Variants in TMEM164 observed in about 807,000 individuals in gnomAD.
The protein encoded by TMEM164 is RP13-360B22.2.
Under a neutral mutation model 18.8 loss-of-function variants are expected in TMEM164, and 4 were observed. The observed-to-expected ratio is 0.21, with a 90% CI of 0.10 to 0.49. TMEM164 has a LOEUF of 0.49. Among genes scored for constraint, TMEM164 ranks in the 20% least tolerant of loss-of-function variants. TMEM164 has a pLI of 0.98. For missense variants in TMEM164, 108 were observed against 239.9 expected, an observed-to-expected ratio of 0.45 and a Z score of 3.63; for synonymous variants, 86 against 101.7, an observed-to-expected ratio of 0.85 and a Z score of 0.93.
intron 5 of TMEM164, among the ~76,000 whole-genome samples, chrX:110,152,698 C>T (rs1273063255): frequency 9.0e-6 from 1 of 110,749 alleles, no homozygotes; most frequent in Non-Finnish European, 1.9e-5. Context: ...CTCTTACCTC[C>T]TAAATATCTC....
intron 3 of TMEM164, among the ~76,000 whole-genome samples, chrX:110,097,152 A>G (rs1471562590): frequency 9.0e-6 from 1 of 111,524 alleles, no homozygotes; most frequent in Non-Finnish European, 1.9e-5. Flanking sequence ...TTGTATTTTT[A>G]GTAGAGATGG....
At chrX:110,053,267 A>C (rs1235768230) in intron 2 of TMEM164, among the ~76,000 whole-genome samples, 3 of 111,527 alleles carry the variant, frequency 2.7e-5, no homozygotes, top group Non-Finnish European at 5.6e-5. Context: ...ACCAGCTTTA[A>C]TTTTGGTTGA....
intron 2 of TMEM164, among the ~76,000 whole-genome samples, chrX:110,035,223 TAATAA>T (rs1017556025): frequency 2.0e-4 from 22 of 109,163 alleles, no homozygotes; most frequent in African/African-American, 7.0e-4. Flanking sequence ...AGTATAATAA[TAATAA>T]AATAAAATTA....
At chrX:110,121,969 A>G (rs2066455767) in intron 4 of TMEM164, among the ~76,000 whole-genome samples, 1 of 112,025 alleles carries the variant, frequency 8.9e-6, no homozygotes, top group Non-Finnish European at 1.9e-5. Flanking sequence ...TGCACTTTGT[A>G]CTTACCAGTT....
intron 3 of TMEM164, among the ~76,000 whole-genome samples, chrX:110,078,090 G>A (rs1363380787): frequency 8.9e-6 from 1 of 112,284 alleles, no homozygotes; most frequent in Non-Finnish European, 1.9e-5. Context: ...TCTCAGGAAT[G>A]CCAGTGAGTC....
At chrX:110,079,630 C>T (rs1409704114) in intron 3 of TMEM164, among the ~76,000 whole-genome samples, 2 of 111,858 alleles carry the variant, frequency 1.8e-5, no homozygotes, top group African/African-American at 6.5e-5. Context: ...GTTTGCTCAT[C>T]TTTAATTTTT....
intron 2 of TMEM164, among the ~76,000 whole-genome samples, chrX:110,041,202 T>A (rs929201581): frequency 2.7e-5 from 3 of 112,087 alleles, no homozygotes; most frequent in Non-Finnish European, 5.6e-5. Flanking sequence ...TCTATTCTGG[T>A]AGGTATCATT....
chrX:110,047,885 C>T, intron 2 of TMEM164, among the ~76,000 whole-genome samples: 1 of 111,899 alleles, frequency 8.9e-6, no homozygotes, highest in African/African-American at 3.2e-5. Context: ...TACCAGAATG[C>T]CTAAAAATAT....
At chrX:110,130,973 T>C (rs1226219784) in intron 4 of TMEM164, among the ~76,000 whole-genome samples, 3 of 112,177 alleles carry the variant, frequency 2.7e-5, no homozygotes, top group Non-Finnish European at 5.6e-5. Context: ...AGTGTACTCA[T>C]GTCAGGAGGT....
chrX:110,105,622 C>T (rs182608191), intron 3 of TMEM164, among the ~76,000 whole-genome samples: 5 of 107,437 alleles, frequency 4.7e-5, no homozygotes, highest in African/African-American at 6.8e-5. Context: ...CCCATTGGCA[C>T]GCAAGAACTT....
chrX:110,033,914 C>CTT (rs1377003438), intron 2 of TMEM164, among the ~76,000 whole-genome samples: 6 of 111,747 alleles, frequency 5.4e-5, no homozygotes, highest in Admixed American at 9.5e-5. Context: ...CTACCCTCAG[C>CTT]TTTTAAACTG....
intron 4 of TMEM164, among the ~76,000 whole-genome samples, chrX:110,129,415 G>A: frequency 8.9e-6 from 1 of 112,369 alleles, no homozygotes; most frequent in Middle Eastern, 4.6e-3. Context: ...TATGCCCTGT[G>A]AAGCTATGAG....
intron 3 of TMEM164, among the ~76,000 whole-genome samples, chrX:110,101,206 T>C (rs1369640727): frequency 1.8e-5 from 2 of 112,018 alleles, no homozygotes; most frequent in Non-Finnish European, 3.8e-5. Context: ...TTCTCTTTTA[T>C]TTTCTGAACA....
At chrX:110,014,744 C>CTTTTTTTTTTTTTTTTTTTTTTTA (rs1933229388) in intron 2 of TMEM164, among the ~76,000 whole-genome samples, 2 of 54,239 alleles carry the variant, frequency 3.7e-5, no homozygotes, top group East Asian at 6.8e-4. Context: ...TTGGTTGTTT[C>CTTTTTTTTTTTTTTTTTTTTTTTA]TTTTTTTTTT....
chrX:110,015,390 A>G (rs1326653828), intron 2 of TMEM164, among the ~76,000 whole-genome samples: 1 of 112,334 alleles, frequency 8.9e-6, no homozygotes, highest in South Asian at 3.7e-4. Context: ...CTAAACAAAC[A>G]GCAACCCAAA....
intron 3 of TMEM164, among the ~76,000 whole-genome samples, chrX:110,089,470 C>T (rs1342623219): frequency 1.8e-5 from 2 of 112,057 alleles, no homozygotes; most frequent in African/African-American, 6.5e-5. Flanking sequence ...GCTGGGATTA[C>T]AGGCGTGAGC....
chrX:110,013,508 T>C (rs1280683300), intron 2 of TMEM164, among the ~76,000 whole-genome samples: 1 of 112,359 alleles, frequency 8.9e-6, no homozygotes. Flanking sequence ...GTGGCTGGTG[T>C]GTACACATCA....
At chrX:110,084,379 T>TATATATA (rs1228632082) in intron 3 of TMEM164, among the ~76,000 whole-genome samples, 1 of 35,649 alleles carries the variant, frequency 2.8e-5, no homozygotes, top group Non-Finnish European at 4.0e-5. Context: ...ATATATATAG[T>TATATATA]GTATATATAT....
intron 4 of TMEM164, among the ~76,000 whole-genome samples, chrX:110,137,533 G>A (rs1026366389): frequency 4.5e-5 from 5 of 111,806 alleles, no homozygotes; most frequent in Non-Finnish European, 7.5e-5. Flanking sequence ...CCCCTAACTG[G>A]TCCCTCTGCC....
Sources: gnomAD v4.1 joint callset for allele counts (sites outside exome capture counted in the v4.1 genomes callset) on GRCh38, gnomAD v4.1.1 for gene constraint, MANE v1.5 for transcripts, NCBI Gene and HGNC (gene_info 2026-07-23, HGNC 2026-07-21) for gene names.